PLAT: variants seen among roughly 807,000 people sequenced by gnomAD.
PLAT encodes tissue-type plasminogen activator.
In PLAT, 48 loss-of-function variants were observed where a neutral mutation model predicts 74.9. The observed-to-expected ratio is 0.64, with a 90% confidence interval of 0.51 to 0.82. The LOEUF (loss-of-function observed/expected upper bound fraction) is 0.82, where lower values mean the gene tolerates loss of function less well. PLAT is among the 40% of genes least tolerant of loss of function. PLAT has a pLI of 0.00. For missense variants in PLAT, 673 were observed against 736.2 expected, an observed-to-expected ratio of 0.91 and a Z score of 0.99; for synonymous variants, 307 against 294.4, an observed-to-expected ratio of 1.04 and a Z score of -0.44.
chr8:42,188,228 A>G (rs944603004), intron 4 of PLAT: 1 of 481,344 alleles, frequency 2.1e-6, no homozygotes, highest in Non-Finnish European at 3.7e-6. Flanking sequence ...AGGTCAGACA[A>G]GTGTTGTTCA....
At chr8:42,194,517 G>A (rs1465794440) in intron 1 of PLAT, among the ~76,000 whole-genome samples, 5 of 152,152 alleles carry the variant, frequency 3.3e-5, no homozygotes, top group Non-Finnish European at 2.9e-5. Context: ...GTGGGCTGAA[G>A]GGCTAGACCA....
chr8:42,179,042 C>A lies in PLAT; in HGVS notation c.1385G>T (p.Arg462Leu). ...CAGTCTGACATGAGCCTCCTTCAGC[C>A]GCTCCGAATAGAAAGGAGACACTGA... ...HEALSPFYSERLKEAHVRLYP... is the reference protein window; with the variant it reads ...HEALSPFYSELLKEAHVRLYP... The change falls in exon 13 of 14, where the codon CGG becomes CTG. Residue 462 changes from arginine (R) to leucine (L), a missense_variant. Transcript: ENST00000220809. 6.2e-7 allele frequency: 1 copy of A among 1,612,558 alleles called. No individual in the cohort carries two copies. The highest frequency in any genetic ancestry group is 8.5e-7 in the Non-Finnish European group (1 of 1,178,636).
intron 3 of PLAT, among the ~76,000 whole-genome samples, chr8:42,190,005 G>C (rs1163866773): frequency 2.0e-5 from 3 of 151,688 alleles, no homozygotes; most frequent in Non-Finnish European, 4.4e-5. Context: ...CTGCCTCCCA[G>C]GCTCAAGCAG....
chr8:42,183,094 C>T (rs1805316646), intron 7 of PLAT, among the ~76,000 whole-genome samples: 1 of 152,144 alleles, frequency 6.6e-6, no homozygotes, highest in South Asian at 2.1e-4. Flanking sequence ...ATCTCCACCT[C>T]CTGGGTTCAA....
At position 42,176,126 on chromosome 8, in the gene PLAT, C is replaced by T. The variant is rs1490896924; in HGVS notation, c.1556G>A (p.Cys519Tyr). 1 of 1,613,938 alleles carries T rather than the reference C, an allele frequency of 6.2e-7. No individual in the cohort carries two copies. Among genetic ancestry groups the T allele is most frequent in the Non-Finnish European group, 8.5e-7 (1 of 1,179,894 alleles). ...CQGDSGGPLV[C>Y]LNDGRMTLVG... ...CAAAGTCATGCGGCCATCGTTCAGA[C>T]ACACCAGGGGGCCTCCCGAATCGCC... Residue 519 changes from cysteine (C) to tyrosine (Y), a missense_variant, in exon 14 of 14, where the codon TGT becomes TAT. Transcript: ENST00000220809.
At chr8:42,194,191 C>A (rs1021114992) in intron 1 of PLAT, among the ~76,000 whole-genome samples, 1 of 145,472 alleles carries the variant, frequency 6.9e-6, no homozygotes, top group Non-Finnish European at 1.5e-5. Context: ...GCTGGGACTT[C>A]AGGCATGTGC....
chr8:42,199,497 A>G (rs1806046542), intron 1 of PLAT, among the ~76,000 whole-genome samples: 1 of 152,126 alleles, frequency 6.6e-6, no homozygotes, highest in South Asian at 2.1e-4. Flanking sequence ...TCAGAGCAGA[A>G]TTTTCTCCAA....
chr8:42,205,053 A>G (rs1806280127), intron 1 of PLAT, among the ~76,000 whole-genome samples: 1 of 152,082 alleles, frequency 6.6e-6, no homozygotes, highest in Non-Finnish European at 1.5e-5. Context: ...CTCTCTCACA[A>G]TTTACCCACA....
At chr8:42,188,479 G>A (rs1290769253) in intron 4 of PLAT, 5 of 166,590 alleles carry the variant, frequency 3.0e-5, no homozygotes, top group South Asian at 1.8e-4. Flanking sequence ...CTTCACCTCC[G>A]CCTAAGGCCG....
intron 1 of PLAT, among the ~76,000 whole-genome samples, chr8:42,194,293 G>T (rs999006065): frequency 6.8e-6 from 1 of 147,380 alleles, no homozygotes; most frequent in Non-Finnish European, 1.5e-5. Context: ...TAGAGACAAG[G>T]TTTCTCTATG....
At chr8:42,203,174 A>G (rs183254688) in intron 1 of PLAT, among the ~76,000 whole-genome samples, 2 of 152,224 alleles carry the variant, frequency 1.3e-5, no homozygotes, top group Admixed American at 1.3e-4. Context: ...CTCTCAATAC[A>G]CAGGTCTCCT....
At chr8:42,180,449 G>A in intron 10 of PLAT, 41 bp downstream of exon 10, 3 of 1,613,504 alleles carry the variant, frequency 1.9e-6, no homozygotes, top group African/African-American at 1.3e-5. Flanking sequence ...GTTTCTAGGC[G>A]TTAGAGGGTG....
chr8:42,191,263 G>A (rs558632855), intron 3 of PLAT, 109 bp downstream of exon 3: 24 of 854,194 alleles, frequency 2.8e-5, no homozygotes, highest in South Asian at 8.1e-5. Flanking sequence ...CTGTCACACC[G>A]TAGGCAGGTG....
intron 4 of PLAT, 95 bp downstream of exon 4, chr8:42,188,839 G>T: frequency 2.0e-6 from 2 of 1,013,922 alleles, no homozygotes; most frequent in South Asian, 1.4e-5. Context: ...TGCCCAGATT[G>T]GTCTTGAACT....
intron 1 of PLAT, among the ~76,000 whole-genome samples, 200 bp downstream of exon 1, chr8:42,207,294 A>G (rs1806379625): frequency 6.6e-6 from 1 of 152,100 alleles, no homozygotes; most frequent in Non-Finnish European, 1.5e-5. Context: ...CTCCCCTCCA[A>G]AACACTCCAG....
intron 7 of PLAT, among the ~76,000 whole-genome samples, chr8:42,183,792 GA>G (rs568270250): frequency 5.7e-4 from 86 of 152,180 alleles, no homozygotes; most frequent in Non-Finnish European, 9.4e-4. Flanking sequence ...GGATGGGGAG[GA>G]TATTGTAGAG....
Position 42,176,035 on chromosome 8 carries a change from A to T in PLAT, c.1647T>A (p.Val549=), listed in dbSNP as rs779984177. The T allele has an allele frequency of 2.5e-6, 4 of 1,614,090 alleles. No homozygotes were observed. In the Admixed American group the frequency reaches 6.7e-5, roughly 27 times the overall value. ...CACGAATCCAGTCTAGGTAGTTGGT[A>T]ACCTTGGTGTACACACCCGGGACAT... ...QKDVPGVYTK[V]TNYLDWIRDN... Residue 549 remains valine (V), a synonymous_variant, in exon 14 of 14, where the codon GTT becomes GTA. Coordinates refer to ENST00000220809, the MANE Select transcript of PLAT (RefSeq NM_000930.5).
rs986895083 is a variant in PLAT at position 42,185,138 on chromosome 8, C to T, written c.574G>A (p.Val192Ile). The T allele has an allele frequency of 3.7e-6, 6 of 1,612,622 alleles. No individual in the cohort carries two copies. Among genetic ancestry groups the T allele is most frequent in the African/African-American group, 2.7e-5 (2 of 74,792 alleles). The change falls in exon 7 of 14, where the codon GTC (valine) becomes ATC (isoleucine). Residue 192 changes from valine (V) to isoleucine (I), a missense_variant. Val to Ile is a conservative substitution (Grantham distance 29). Coordinates refer to ENST00000220809, the MANE Select transcript of PLAT (RefSeq NM_000930.5). ...GAGCTGTACTTCCCCGCCTTAAAGA[C>T]GTAGCACCAGGGCTTTGAGTCTCGA... The part of the protein sequence containing the change: ...PDRDSKPWCY[V>I]FKAGKYSSEF...
chr8:42,187,382 G>A lies in PLAT; in HGVS notation c.539+16C>T, dbSNP rs1160382909. 6.4e-7 allele frequency: 1 copy of A among 1,552,144 alleles called. No homozygotes were observed. Among genetic ancestry groups the A allele is most frequent in the East Asian group, 2.3e-5 (1 of 44,134 alleles). On this transcript the variant is annotated intron_variant, in intron 6 of 13. Transcript: ENST00000220809. The stretch of plus-strand genomic sequence containing the variant: ...CTTCTCACAGGGGGAATCCCTCCTT[G>A]GGGATGTGCCCTCACCTGCAGTAGT...
Sources: allele counts gnomAD v4.1 joint callset (sites outside exome capture counted in the v4.1 genomes callset), GRCh38; gene constraint gnomAD v4.1.1; transcripts MANE v1.5; gene names NCBI Gene and HGNC (gene_info 2026-07-23, HGNC 2026-07-21).